PHOSPHO2: variants seen among roughly 807,000 people sequenced by gnomAD.
PHOSPHO2 encodes phosphatase, orphan 2.
Under a neutral mutation model 16.4 loss-of-function variants are expected in PHOSPHO2, and 14 were observed. That is an observed-to-expected ratio of 0.85 (90% CI 0.56 to 1.33). The LOEUF is 1.33. Ranked by LOEUF, PHOSPHO2 falls within the 40% of genes most tolerant of loss-of-function variation. PHOSPHO2 has a pLI of 0.00. For synonymous variants in PHOSPHO2, 85 were observed against 90.5 expected (o/e 0.94, Z 0.34); for missense variants, 246 against 282.5 (o/e 0.87, Z 0.93).
chr2:169,701,708 A>G lies in PHOSPHO2; in HGVS notation c.*11A>G, dbSNP rs531528852. On this transcript the variant is annotated 3_prime_UTR_variant, in exon 4 of 4. Transcript: ENST00000359744. ...CTAATAAAGGATTAATATGTCAGCA[A>G]TTGAAAAGTGTATCACTTAAGATTA... 14 of 1,492,228 alleles carry G rather than the reference A, an allele frequency of 9.4e-6. No homozygotes were observed. The highest frequency in any genetic ancestry group is 6.5e-5 in the South Asian group (5 of 77,330). The allele number at this position is 1,492,228 out of a possible 1,614,324, so 92.4% of individuals were successfully genotyped here. A position where few individuals can be genotyped will look rare whatever the true frequency, so the allele number is the denominator to read the frequency against.
At chr2:169,700,847 C>A (rs1418278140) in intron 3 of PHOSPHO2, 99 bp from the exon 4 acceptor site, 5 of 1,202,086 alleles carry the variant, frequency 4.2e-6, no homozygotes, top group Non-Finnish European at 5.6e-6. Flanking sequence ...TATATTCCTC[C>A]CTTTAGCAGA....
chr2:169,696,825 A>C (rs1453315997), intron 2 of PHOSPHO2, among the ~76,000 whole-genome samples: 1 of 152,212 alleles, frequency 6.6e-6, no homozygotes, highest in Non-Finnish European at 1.5e-5. Flanking sequence ...AGTACAAAGA[A>C]AAAATGGACT....
At chr2:169,698,127 G>A (rs1211652864) in intron 3 of PHOSPHO2, 1 of 152,138 alleles carries the variant, frequency 6.6e-6, no homozygotes, top group East Asian at 1.9e-4. Flanking sequence ...GTGGTTAAAT[G>A]CCATGTTTTT....
At chr2:169,700,380 G>T (rs547114165) in intron 3 of PHOSPHO2, among the ~76,000 whole-genome samples, 5 of 129,846 alleles carry the variant, frequency 3.9e-5, no homozygotes, top group Non-Finnish European at 8.7e-5. Context: ...TGGTGTTAAG[G>T]AAGGGGTCCA....
Position 169,701,204 on chromosome 2 carries a change from T to C in PHOSPHO2, c.233T>C (p.Met78Thr). 6.2e-7 allele frequency: 1 copy of C among 1,614,038 alleles called. No individual in the cohort carries two copies. Among genetic ancestry groups the C allele is most frequent in the Non-Finnish European group, 8.5e-7 (1 of 1,179,970 alleles). The change falls in exon 4 of 4, where the codon ATG becomes ACG. Residue 78 changes from methionine to threonine, a missense_variant. Transcript: ENST00000359744. ...AVTSLPFTPG[M>T]VELFNFIRKN... is the part of the protein sequence containing the mutation. ...ACATCATTGCCTTTCACTCCAGGGA[T>C]GGTGGAACTCTTCAACTTTATAAGA...
Position 169,701,537 on chromosome 2 carries a change from T to C in PHOSPHO2, c.566T>C (p.Phe189Ser). 1 of 1,613,630 alleles carries C rather than the reference T, an allele frequency of 6.2e-7. No individual in the cohort carries two copies. The highest frequency in any genetic ancestry group is 8.5e-7 in the Non-Finnish European group (1 of 1,179,986). The change falls in exon 4 of 4, where the codon TTT becomes TCT. Residue 189 changes from phenylalanine to serine, a missense_variant. By Grantham distance (155) the Phe-to-Ser change is radical. Coordinates refer to ENST00000359744, the MANE Select transcript of PHOSPHO2 (RefSeq NM_001008489.4). ...GGAAATGATGTCTGTCCAGTCACCT[T>C]TTTAAAGAATGATGATGTTGCCATG... Reference protein sequence around the residue: ...DGGNDVCPVTFLKNDDVAMPR... With the variant: ...DGGNDVCPVTSLKNDDVAMPR...
At chr2:169,695,146 CAAAAT>C (rs1687469854) in intron 1 of PHOSPHO2, 64 bp from the exon 2 acceptor site, 1 of 152,150 alleles carries the variant, frequency 6.6e-6, no homozygotes, top group East Asian at 1.9e-4. Context: ...TGGAGTCTCT[CAAAAT>C]GAAAGAACAA....
At chr2:169,697,745 A>T (rs1687599307) in intron 3 of PHOSPHO2, 1 of 152,206 alleles carries the variant, frequency 6.6e-6, no homozygotes, top group Non-Finnish European at 1.5e-5. Context: ...TTACATTTGA[A>T]ATTTGTTTTA....
Position 169,701,202 on chromosome 2 carries a change from G to A in PHOSPHO2, c.231G>A (p.Gly77=), listed in dbSNP as rs768118359. Residue 77 remains glycine (G), a synonymous_variant, in exon 4 of 4, where the codon GGG becomes GGA. Coordinates refer to ENST00000359744, the MANE Select transcript of PHOSPHO2 (RefSeq NM_001008489.4). ...RAVTSLPFTP[G]MVELFNFIRK... ...TGACATCATTGCCTTTCACTCCAGG[G>A]ATGGTGGAACTCTTCAACTTTATAA... The A allele has an allele frequency of 3.1e-6, 5 of 1,614,048 alleles. No homozygotes were observed. The South Asian group carries it at 5.5e-5, about 18-fold the overall frequency.
At chr2:169,694,900 G>C (rs1027448569) in intron 1 of PHOSPHO2, among the ~76,000 whole-genome samples, 1 of 152,204 alleles carries the variant, frequency 6.6e-6, no homozygotes, top group African/African-American at 2.4e-5. Flanking sequence ...GCATGGTCAG[G>C]ACTAGATGGG....
intron 3 of PHOSPHO2, among the ~76,000 whole-genome samples, chr2:169,698,772 C>G (rs1464773046): frequency 6.6e-6 from 1 of 152,004 alleles, no homozygotes; most frequent in Non-Finnish European, 1.5e-5. Flanking sequence ...ATTGTCACAC[C>G]ACAAACAGTA....
chr2:169,694,967 CG>C (rs1304721624), intron 1 of PHOSPHO2, among the ~76,000 whole-genome samples: 1 of 152,150 alleles, frequency 6.6e-6, no homozygotes, highest in Non-Finnish European at 1.5e-5. Context: ...AGAATATTTA[CG>C]TTAGGACCTT....
Position 169,701,129 on chromosome 2 carries a change from A to T in PHOSPHO2, c.158A>T (p.Lys53Met). Residue 53 changes from lysine (K) to methionine (M), a missense_variant, in exon 4 of 4, where the codon AAG (lysine) becomes ATG (methionine). By Grantham distance (95) the Lys-to-Met change is moderately conservative (BLOSUM62 -1). Transcript: ENST00000359744. ...ACAGAATTTATGGGCAGAGTCTTTAAGTATTTGGGAGATAAGGGTGTAAGA... is the reference window on the plus strand; with the variant it reads ...ACAGAATTTATGGGCAGAGTCTTTATGTATTTGGGAGATAAGGGTGTAAGA... ...FWTEFMGRVF[K>M]YLGDKGVREH... 1 of 1,614,068 alleles carries T rather than the reference A, an allele frequency of 6.2e-7. No homozygotes were observed. Among genetic ancestry groups the T allele is most frequent in the South Asian group, 1.1e-5 (1 of 91,076 alleles).
intron 3 of PHOSPHO2, chr2:169,698,276 T>C (rs1176491279): frequency 6.6e-6 from 1 of 152,212 alleles, no homozygotes. Context: ...ATGAATGTTT[T>C]TATGTAATTA....
At position 169,694,523 on chromosome 2, in the gene PHOSPHO2, G is replaced by T. The variant is rs1046984062; in HGVS notation, c.-330G>T. The T allele has an allele frequency of 1.7e-5, 11 of 642,780 alleles. No homozygotes were observed. The East Asian group carries it at 3.0e-4, about 18-fold the overall frequency. 39.8% of individuals were successfully genotyped at this position (642,780 alleles called of 1,614,324 possible). On this transcript the variant is annotated 5_prime_UTR_variant, in exon 1 of 4. Transcript: ENST00000359744. Reference sequence around the variant, plus strand: ...GCGCCTGCGCTTGCGAGCTGGGCTTGTGAGTGGGGCTGCCGAGAGGGCAGG... The same window carrying T: ...GCGCCTGCGCTTGCGAGCTGGGCTTTTGAGTGGGGCTGCCGAGAGGGCAGG...
intron 1 of PHOSPHO2, 50 bp from the exon 2 acceptor site, chr2:169,695,165 G>T (rs1687470412): frequency 6.6e-6 from 1 of 152,160 alleles, no homozygotes; most frequent in East Asian, 1.9e-4. Context: ...AGAACAAAAA[G>T]ATTTTTAATA....
chr2:169,700,923 GAAT>G lies in PHOSPHO2; in HGVS notation c.-26-18_-26-16del, dbSNP rs776201597. The G allele has an allele frequency of 1.3e-6, 2 of 1,523,794 alleles. No homozygotes were observed. Among genetic ancestry groups the G allele is most frequent in the Non-Finnish European group, 8.7e-7 (1 of 1,143,114 alleles). The allele number at this position is 1,523,794 out of a possible 1,614,324, so 94.4% of individuals were successfully genotyped here. The stretch of plus-strand genomic sequence containing the variant: ...GATATGTAAACAGAGTTTGTTTAGG[GAAT>G]AATATTTCTTCTTTTTCAGGGTAAT... On this transcript the variant is annotated intron_variant, in intron 3 of 3. Coordinates refer to ENST00000359744, the MANE Select transcript of PHOSPHO2 (RefSeq NM_001008489.4).
At chr2:169,696,477 T>C (rs903205087) in intron 2 of PHOSPHO2, among the ~76,000 whole-genome samples, 1 of 152,270 alleles carries the variant, frequency 6.6e-6, no homozygotes, top group Non-Finnish European at 1.5e-5. Flanking sequence ...TGGCTTTTAC[T>C]GGCTGGATAT....
Position 169,701,284 on chromosome 2 carries a change from A to C in PHOSPHO2, c.313A>C (p.Ile105Leu), listed in dbSNP as rs369192314. Residue 105 changes from isoleucine to leucine, a missense_variant, in exon 4 of 4, where the codon ATA becomes CTA. Transcript: ENST00000359744. ...IIISDSNSVF[I>L]DWVLEAASFH... Reference sequence around the variant, plus strand: ...TATTTCAGATTCAAATTCGGTCTTCATAGATTGGGTTTTAGAAGCTGCCAG... The same window carrying C: ...TATTTCAGATTCAAATTCGGTCTTCCTAGATTGGGTTTTAGAAGCTGCCAG... 1.9e-6 allele frequency: 3 copies of C among 1,613,372 alleles called. No homozygotes were observed. The highest frequency in any genetic ancestry group is 1.7e-4 in the Middle Eastern group (1 of 6,058).
Sources: allele counts gnomAD v4.1 joint callset (sites outside exome capture counted in the v4.1 genomes callset), GRCh38; gene constraint gnomAD v4.1.1; transcripts MANE v1.5; gene names NCBI Gene and HGNC (gene_info 2026-07-23, HGNC 2026-07-21).